The following FAM111B variants were observed in gnomAD, a reference collection of about 807,000 sequenced individuals.
The protein encoded by FAM111B is serine protease FAM111B.
A neutral mutation model predicts 2.8 loss-of-function variants in FAM111B; 1 was observed. The observed-to-expected ratio is 0.36, with a 90% CI of 0.13 to 1.70. The LOEUF is 1.70. Among genes scored for constraint, FAM111B ranks in the 40% most tolerant of loss-of-function variants. FAM111B has a pLI of 0.35. For missense variants in FAM111B, 882 were observed against 878.9 expected (o/e 1.00, Z -0.04); for synonymous variants, 297 against 295.6 (o/e 1.00, Z -0.05).
chr11:59,121,702 A>G (rs1250886555), intron 3 of FAM111B, among the ~76,000 whole-genome samples: 1 of 152,234 alleles, frequency 6.6e-6, no homozygotes, highest in Non-Finnish European at 1.5e-5. Flanking sequence ...ACCACGAAAC[A>G]TATTTGAGGA....
chr11:59,126,315 G>C lies in FAM111B; in HGVS notation c.*13G>C. On this transcript the variant is annotated 3_prime_UTR_variant, in exon 4 of 4. Transcript: ENST00000343597. ...CATGGAATGTTAGAAAAGAGATGCT[G>C]TCTTCAAGAAAATATGCCAATAATT... The C allele has an allele frequency of 2.0e-6, 3 of 1,489,814 alleles. No individual in the cohort carries two copies. Among genetic ancestry groups the C allele is most frequent in the Non-Finnish European group, 2.7e-6 (3 of 1,120,430 alleles). The allele number at this position is 1,489,814 out of a possible 1,614,324, so 92.3% of individuals were successfully genotyped here.
intron 3 of FAM111B, 74 bp from the exon 4 acceptor site, chr11:59,124,105 G>C: frequency 9.7e-7 from 1 of 1,031,858 alleles, no homozygotes; most frequent in South Asian, 1.9e-5. Context: ...ATATCTATTA[G>C]TTCTATCATT....
chr11:59,110,638 A>G (rs1168105362), intron 3 of FAM111B, among the ~76,000 whole-genome samples: 2 of 152,204 alleles, frequency 1.3e-5, no homozygotes, highest in South Asian at 2.1e-4. Context: ...ATGTATCTCC[A>G]TACTCATCAA....
chr11:59,124,016 A>G (rs1859963940), intron 3 of FAM111B, among the ~76,000 whole-genome samples, 163 bp from the exon 4 acceptor site: 1 of 147,092 alleles, frequency 6.8e-6, no homozygotes, highest in Non-Finnish European at 1.5e-5. Flanking sequence ...GTGTAGAATG[A>G]GTATCTAAAT....
intron 3 of FAM111B, among the ~76,000 whole-genome samples, chr11:59,123,525 T>C (rs1859955702): frequency 6.6e-6 from 1 of 152,172 alleles, no homozygotes; most frequent in Non-Finnish European, 1.5e-5. Context: ...TAGGGAAATA[T>C]TCAGATGTGC....
chr11:59,119,206 C>T (rs1302398908), intron 3 of FAM111B, among the ~76,000 whole-genome samples: 1 of 152,138 alleles, frequency 6.6e-6, no homozygotes, highest in African/African-American at 2.4e-5. Context: ...TAATGGGGAC[C>T]CTCTCTGTAC....
chr11:59,124,803 G>T lies in FAM111B; in HGVS notation c.706G>T (p.Gly236Cys). The T allele has an allele frequency of 6.2e-7, 1 of 1,613,760 alleles. No individual in the cohort carries two copies. The highest frequency in any genetic ancestry group is 8.5e-7 in the Non-Finnish European group (1 of 1,179,828). Residue 236 changes from glycine (G) to cysteine (C), a missense_variant, in exon 4 of 4, where the codon GGT becomes TGT. Physicochemically the swap from Gly to Cys is radical, Grantham distance 159. Transcript: ENST00000343597. ...GGATGGCCGTTTTCGGTCTGACATA[G>T]GTGAATTTGAATGGAAACTAAAGGA... ...CKDGRFRSDI[G>C]EFEWKLKEGH... is the part of the protein sequence containing the mutation.
chr11:59,118,528 T>C (rs1373125139), intron 3 of FAM111B, among the ~76,000 whole-genome samples: 1 of 152,256 alleles, frequency 6.6e-6, no homozygotes, highest in African/African-American at 2.4e-5. Context: ...ACTAATTTCT[T>C]TCTGATCCAG....
At position 59,124,683 on chromosome 11, in the gene FAM111B, A is replaced by G. The variant is rs555356693; in HGVS notation, c.586A>G (p.Lys196Glu). ...TGTTGTTGCTATAGGAAGGACAAGA[A>G]AGAAGATTGTTAAGATCAACGAACT... is the stretch of plus-strand genomic sequence containing the variant. ...FHVVAIGRTR[K>E]KIVKINELHE... The change falls in exon 4 of 4, where the codon AAG becomes GAG. Residue 196 changes from lysine (K) to glutamate (E), a missense_variant. Coordinates refer to ENST00000343597, the MANE Select transcript of FAM111B (RefSeq NM_198947.4). 6.2e-7 allele frequency: 1 copy of G among 1,613,864 alleles called. No individual in the cohort carries two copies. The highest frequency in any genetic ancestry group is 1.3e-5 in the African/African-American group (1 of 75,046).
At position 59,125,022 on chromosome 11, in the gene FAM111B, A is replaced by T; in HGVS notation, c.925A>T (p.Lys309Ter). The change falls in exon 4 of 4, where the codon AAG (lysine) becomes TAG (stop). Residue 309 changes from lysine (K) to a stop codon, truncating the protein, a stop_gained. Coordinates refer to ENST00000343597, the MANE Select transcript of FAM111B (RefSeq NM_198947.4). LOFTEE classifies it low-confidence loss of function (END_TRUNC). ...GTCTAAGAAAAAAGTCCACAAACCA[A>T]AGAAAGATGGAGAGACCAAAGATGT... ...IQSKKKVHKP[K>*]KDGETKDVEH... 2.5e-6 allele frequency: 4 copies of T among 1,612,886 alleles called. No individual in the cohort carries two copies. Among genetic ancestry groups the T allele is most frequent in the Non-Finnish European group, 3.4e-6 (4 of 1,179,730 alleles).
rs750303699 is a variant in FAM111B, at chr11:59,125,745, C to G, written c.1648C>G (p.Leu550Val). ...NENLDYAILK[L>V]KENGNAFPPG... ...AAATCTAGATTATGCCATTTTAAAA[C>G]TAAAAGAAAATGGAAATGCGTTTCC... The change falls in exon 4 of 4, where the codon CTA becomes GTA. Residue 550 changes from leucine (L) to valine (V), a missense_variant. Coordinates refer to ENST00000343597, the MANE Select transcript of FAM111B (RefSeq NM_198947.4). 2 of 1,613,702 alleles carry G rather than the reference C, an allele frequency of 1.2e-6. No homozygotes were observed. The highest frequency in any genetic ancestry group is 1.7e-6 in the Non-Finnish European group (2 of 1,179,776).
Position 59,124,826 on chromosome 11 carries a change from G to A in FAM111B, c.729G>A (p.Lys243=). ...TAGGTGAATTTGAATGGAAACTAAA[G>A]GAAGGTCATAAGAAAATTTATGGAA... ...SDIGEFEWKL[K]EGHKKIYGKQ... Residue 243 remains lysine, a synonymous_variant, in exon 4 of 4, where the codon AAG becomes AAA. Coordinates refer to ENST00000343597, the MANE Select transcript of FAM111B (RefSeq NM_198947.4). The A allele has an allele frequency of 1.2e-6, 2 of 1,613,760 alleles. No individual in the cohort carries two copies. Among genetic ancestry groups the A allele is most frequent in the Non-Finnish European group, 1.7e-6 (2 of 1,179,814 alleles).
chr11:59,112,895 T>C (rs1167289622), intron 3 of FAM111B, among the ~76,000 whole-genome samples: 1 of 152,246 alleles, frequency 6.6e-6, no homozygotes, highest in East Asian at 1.9e-4. Flanking sequence ...CTTTGTCATA[T>C]TGCTTTTCTC....
Position 59,109,711 on chromosome 11 carries a change from A to G in FAM111B, c.81+5A>G, listed in dbSNP as rs746127980. ...ACTAGACCTGAAGTTTCAAAGGTATATCTACTTTTTTACAACTCCTCAGAG... is the reference window on the plus strand; with the variant it reads ...ACTAGACCTGAAGTTTCAAAGGTATGTCTACTTTTTTACAACTCCTCAGAG... On this transcript the variant is annotated splice_donor_5th_base_variant and intron_variant, in intron 3 of 3. Coordinates refer to ENST00000343597, the MANE Select transcript of FAM111B (RefSeq NM_198947.4). 7.5e-6 allele frequency: 12 copies of G among 1,599,314 alleles called. No individual in the cohort carries two copies. The South Asian group carries it at 1.0e-4, about 13-fold the overall frequency.
chr11:59,120,083 T>G (rs1288566132), intron 3 of FAM111B, among the ~76,000 whole-genome samples: 1 of 152,122 alleles, frequency 6.6e-6, no homozygotes, highest in Non-Finnish European at 1.5e-5. Context: ...CCTAGAAAAA[T>G]ATTATTTACC....
chr11:59,112,948 T>A (rs1266332228), intron 3 of FAM111B, among the ~76,000 whole-genome samples: 2 of 152,258 alleles, frequency 1.3e-5, no homozygotes, highest in African/African-American at 4.8e-5. Context: ...TCTGTGTGGC[T>A]TGTCTTTTCA....
In FAM111B at chr11:59,124,332, T is replaced by C; in HGVS notation, c.235T>C (p.Cys79Arg). Residue 79 changes from cysteine (C) to arginine (R), a missense_variant, in exon 4 of 4, where the codon TGT becomes CGT. Physicochemically the swap from Cys to Arg is radical, Grantham distance 180. Coordinates refer to ENST00000343597, the MANE Select transcript of FAM111B (RefSeq NM_198947.4). ...GAATCCAAATTTGAACAATAAAGAA[T>C]GTTGTTTCACCTTTACGTTGAATGG... ...MQNPNLNNKE[C>R]CFTFTLNGNS... The C allele has an allele frequency of 1.2e-6, 2 of 1,613,902 alleles. No individual in the cohort carries two copies. Among genetic ancestry groups the C allele is most frequent in the African/African-American group, 1.3e-5 (1 of 75,060 alleles).
chr11:59,125,763 G>C lies in FAM111B; in HGVS notation c.1666G>C (p.Ala556Pro), dbSNP rs1860016819. ...TTTAAAACTAAAAGAAAATGGAAAT[G>C]CGTTTCCTCCAGGACTATGGCGACA... ...AILKLKENGN[A>P]FPPGLWRQIS... Residue 556 changes from alanine (A) to proline (P), a missense_variant, in exon 4 of 4, where the codon GCG (alanine) becomes CCG (proline). By Grantham distance (27) the Ala-to-Pro change is conservative. Coordinates refer to ENST00000343597, the MANE Select transcript of FAM111B (RefSeq NM_198947.4). The C allele has an allele frequency of 2.5e-6, 4 of 1,613,818 alleles. No individual in the cohort carries two copies. Among genetic ancestry groups the C allele is most frequent in the Non-Finnish European group, 3.4e-6 (4 of 1,179,826 alleles).
Position 59,126,243 on chromosome 11 carries a change from G to A in FAM111B, c.2146G>A (p.Glu716Lys). ...TGAGAAACTTGAGACCTACGATGAA[G>A]AGAAAGGTAAACAAGAGTCATCACT... ...NDEKLETYDE[E>K]KGKQESSLQD... Residue 716 changes from glutamate (E) to lysine (K), a missense_variant, in exon 4 of 4, where the codon GAG becomes AAG. Physicochemically the swap from Glu to Lys is moderately conservative, Grantham distance 56. Coordinates refer to ENST00000343597, the MANE Select transcript of FAM111B (RefSeq NM_198947.4). 2 of 1,594,390 alleles carry A rather than the reference G, an allele frequency of 1.3e-6. No individual in the cohort carries two copies. The highest frequency in any genetic ancestry group is 1.7e-6 in the Non-Finnish European group (2 of 1,174,074).
Sources: gnomAD v4.1 joint callset for allele counts (sites outside exome capture counted in the v4.1 genomes callset) on GRCh38, gnomAD v4.1.1 for gene constraint, MANE v1.5 for transcripts, NCBI Gene and HGNC (gene_info 2026-07-23, HGNC 2026-07-21) for gene names.